PRKN: variants seen among roughly 807,000 people sequenced by gnomAD.
The protein encoded by PRKN is E3 ubiquitin-protein ligase parkin.
Under a neutral mutation model 59.5 loss-of-function variants are expected in PRKN, and 56 were observed. The observed-to-expected ratio is 0.94, with a 90% CI of 0.76 to 1.18. The LOEUF is 1.18. PRKN is among the 50% of genes most tolerant of loss of function. The pLI, the probability that PRKN is intolerant of heterozygous loss-of-function variation, is 0.00. For synonymous variants in PRKN, 250 were observed against 222.1 expected (o/e 1.13, Z -1.12); for missense variants, 657 against 596.4 (o/e 1.10, Z -1.06).
At chr6:161,656,299 C>T (rs933803234) in intron 7 of PRKN, among the ~76,000 whole-genome samples, 14 of 152,228 alleles carry the variant, frequency 9.2e-5, no homozygotes, top group African/African-American at 3.1e-4. Flanking sequence ...TGCCATCCAT[C>T]CGCGCCTCTC....
At chr6:162,474,617 G>C (rs947820837) in intron 1 of PRKN, among the ~76,000 whole-genome samples, 5 of 152,116 alleles carry the variant, frequency 3.3e-5, no homozygotes, top group Non-Finnish European at 1.5e-5. Context: ...ATTAATAACA[G>C]CTATGTTCAA....
chr6:161,688,378 C>T (rs1184388937), intron 7 of PRKN, among the ~76,000 whole-genome samples: 1 of 152,216 alleles, frequency 6.6e-6, no homozygotes, highest in Non-Finnish European at 1.5e-5. Context: ...GCTCCCAAAA[C>T]ATGGGGAAGA....
At chr6:162,054,686 G>T (rs983451948) in intron 4 of PRKN, among the ~76,000 whole-genome samples, 6 of 152,156 alleles carry the variant, frequency 3.9e-5, no homozygotes, top group African/African-American at 1.4e-4. Flanking sequence ...GCATCGAGGG[G>T]GTGCGCAGCA....
chr6:162,702,718 C>T (rs2128237075), intron 1 of PRKN, among the ~76,000 whole-genome samples: 1 of 152,296 alleles, frequency 6.6e-6, no homozygotes, highest in Admixed American at 6.5e-5. Context: ...AGGCTGTCTA[C>T]CTTATCCTAC....
At chr6:162,069,141 A>C (rs1305339234) in intron 4 of PRKN, among the ~76,000 whole-genome samples, 2 of 152,012 alleles carry the variant, frequency 1.3e-5, no homozygotes, top group African/African-American at 2.4e-5. Flanking sequence ...CAGAATTCCC[A>C]CGTGTTGTGG....
chr6:162,487,830 C>A (rs753931049), intron 1 of PRKN, among the ~76,000 whole-genome samples: 51 of 152,122 alleles, frequency 3.4e-4, no homozygotes, highest in Non-Finnish European at 3.1e-4. Context: ...AATCCCAACA[C>A]TTTGGGAGGC....
At chr6:162,524,212 G>A (rs961510568) in intron 1 of PRKN, among the ~76,000 whole-genome samples, 14 of 152,064 alleles carry the variant, frequency 9.2e-5, no homozygotes, top group Non-Finnish European at 1.9e-4. Context: ...TGTAACCCTG[G>A]ATATTTTTAA....
At chr6:162,314,051 G>A (rs529866897) in intron 2 of PRKN, among the ~76,000 whole-genome samples, 1 of 152,064 alleles carries the variant, frequency 6.6e-6, no homozygotes, top group Non-Finnish European at 1.5e-5. Context: ...CAGTCATATC[G>A]CCACCACCCA....
At chr6:162,193,565 G>A (rs533388607) in intron 4 of PRKN, among the ~76,000 whole-genome samples, 2 of 152,258 alleles carry the variant, frequency 1.3e-5, no homozygotes, top group South Asian at 4.2e-4. Flanking sequence ...GAGTCTTTGA[G>A]AGCCATTCAA....
chr6:161,703,144 A>G (rs1360991112), intron 7 of PRKN, among the ~76,000 whole-genome samples: 1 of 152,126 alleles, frequency 6.6e-6, no homozygotes, highest in African/African-American at 2.4e-5. Context: ...TGCTACAAAA[A>G]TAATTTTTAA....
intron 2 of PRKN, among the ~76,000 whole-genome samples, chr6:162,383,681 CT>C (rs1786622936): frequency 6.6e-6 from 1 of 152,178 alleles, no homozygotes; most frequent in African/African-American, 2.4e-5. Flanking sequence ...GCAGGCTGTT[CT>C]TGGAAGCTTT....
intron 1 of PRKN, among the ~76,000 whole-genome samples, chr6:162,684,446 T>C (rs945759123): frequency 2.0e-5 from 3 of 152,158 alleles, no homozygotes; most frequent in African/African-American, 7.2e-5. Flanking sequence ...GTGGGAATTT[T>C]ATCACCACAG....
Position 161,391,997 on chromosome 6 carries a change from T to C in PRKN, c.1084-5120A>G, listed in dbSNP as rs1178631805. 1.3e-5 allele frequency among the ~76,000 whole-genome samples: 2 copies of C among 152,054 alleles called. No homozygotes were observed. Among genetic ancestry groups the C allele is most frequent in the Non-Finnish European group, 2.9e-5 (2 of 68,016 alleles). ...GCCTGCATGTATATATATGTAGGGA[T>C]ATACACATATATATGCATATATGTG... On this transcript the variant is annotated intron_variant, in intron 9 of 11. Coordinates refer to ENST00000366898, the MANE Select transcript of PRKN (RefSeq NM_004562.3). The surrounding 1 kb of genome is among the most constrained non-coding windows in gnomAD (Gnocchi z 4.9).
At position 161,851,636 on chromosome 6, in the gene PRKN, C is replaced by A. The variant is rs536810476; in HGVS notation, c.735-65728G>T. 6.6e-5 allele frequency among the ~76,000 whole-genome samples: 10 copies of A among 151,858 alleles called. No individual in the cohort carries two copies. In the South Asian group the frequency reaches 2.1e-3, roughly 32 times the overall value. ...GAGCAGCTGGGACCACAGGCTCCCA[C>A]CACCATGCCTGGCTAATTTTTGTAT... On this transcript the variant is annotated intron_variant, in intron 6 of 11. Transcript: ENST00000366898.
chr6:161,641,012 T>C (rs1783718259), intron 7 of PRKN, among the ~76,000 whole-genome samples: 1 of 152,226 alleles, frequency 6.6e-6, no homozygotes, highest in Non-Finnish European at 1.5e-5. Context: ...AAAATTATTA[T>C]AGTGAAAGAG....
intron 7 of PRKN, chr6:161,716,148 C>T: frequency 7.6e-7 from 1 of 1,317,478 alleles, no homozygotes; most frequent in Non-Finnish European, 1.0e-6. Flanking sequence ...AAATAGAATA[C>T]AGAGGAGACT....
At chr6:162,312,118 T>C (rs1432957524) in intron 2 of PRKN, among the ~76,000 whole-genome samples, 4 of 152,060 alleles carry the variant, frequency 2.6e-5, no homozygotes. Context: ...ACAGAGGAGA[T>C]GTCAATTATT....
At chr6:161,645,634 A>G (rs1188895534) in intron 7 of PRKN, among the ~76,000 whole-genome samples, 1 of 152,246 alleles carries the variant, frequency 6.6e-6, no homozygotes, top group African/African-American at 2.4e-5. Flanking sequence ...ATTATGTTAG[A>G]TGGATGTTAA....
intron 4 of PRKN, among the ~76,000 whole-genome samples, chr6:162,129,118 A>G (rs12215571): frequency 0.062 from 9,417 of 152,282 alleles, 418 homozygotes; most frequent in Non-Finnish European, 0.094. Context: ...ATGTGAAACC[A>G]CAGGCTACAA....
Sources: gnomAD v4.1 joint callset for allele counts (sites outside exome capture counted in the v4.1 genomes callset) on GRCh38, gnomAD v4.1.1 for gene constraint, Gnocchi (gnomAD v3.1) non-coding constraint, MANE v1.5 for transcripts, NCBI Gene and HGNC (gene_info 2026-07-23, HGNC 2026-07-21) for gene names.